Variants in MUC7 observed in about 807,000 individuals in gnomAD.
The protein encoded by MUC7 is mucin 7, secreted.
A neutral mutation model predicts 2.5 loss-of-function variants in MUC7; 2 were observed. The ratio of observed to expected loss-of-function variants is 0.81; its 90% CI spans 0.33 to 2.55. MUC7 has a LOEUF of 2.55. Among genes scored for constraint, MUC7 ranks in the 30% most tolerant of loss-of-function variants. MUC7 has a pLI of 0.11. For missense variants in MUC7, 408 were observed against 455.6 expected, an observed-to-expected ratio of 0.90 and a Z score of 0.95; for synonymous variants, 133 against 173.4, an observed-to-expected ratio of 0.77 and a Z score of 1.83.
chr4:70,455,294 A>T (rs1392893724), intron 1 of MUC7, among the ~76,000 whole-genome samples: 2 of 152,186 alleles, frequency 1.3e-5, no homozygotes, highest in African/African-American at 4.8e-5. Flanking sequence ...CCACTTCTTA[A>T]AAAGCTTCAT....
At chr4:70,468,080 C>CG (rs1465411859), upstream of MUC7, among the ~76,000 whole-genome samples, 1 of 152,108 alleles carries the variant, frequency 6.6e-6, no homozygotes, top group African/African-American at 2.4e-5. Flanking sequence ...GGCTTTACCC[C>CG]GGGATGCAAG....
chr4:70,436,731 G>T (rs1733847348), intron 1 of MUC7, among the ~76,000 whole-genome samples: 1 of 152,068 alleles, frequency 6.6e-6, no homozygotes, highest in South Asian at 2.1e-4. Context: ...GTCCAGCTTT[G>T]TTTCCTTGCT....
chr4:70,470,343 A>G (rs961421092), upstream of MUC7, among the ~76,000 whole-genome samples: 7 of 152,318 alleles, frequency 4.6e-5, no homozygotes, highest in Non-Finnish European at 1.0e-4. Context: ...CCACCATGGC[A>G]CATGTATACC....
intron 1 of MUC7, among the ~76,000 whole-genome samples, chr4:70,450,998 G>GC (rs35693612): frequency 0.81 from 122,742 of 152,010 alleles, 50,029 homozygotes; most frequent in Middle Eastern, 0.88. Context: ...CTGTCTCTGA[G>GC]CTGGTTCACC....
intron 1 of MUC7, among the ~76,000 whole-genome samples, chr4:70,466,469 T>G (rs1461474951): frequency 6.6e-6 from 1 of 152,070 alleles, no homozygotes; most frequent in Non-Finnish European, 1.5e-5. Context: ...ACTGGCAAAT[T>G]GGATAAAGAC....
intron 1 of MUC7, among the ~76,000 whole-genome samples, chr4:70,446,621 A>T (rs1734146561): frequency 6.6e-6 from 1 of 152,194 alleles, no homozygotes; most frequent in South Asian, 2.1e-4. Context: ...ATCTGCAATG[A>T]CTATTTCCAA....
intron 1 of MUC7, among the ~76,000 whole-genome samples, chr4:70,462,655 T>C (rs987012550): frequency 6.6e-6 from 1 of 152,208 alleles, no homozygotes; most frequent in Non-Finnish European, 1.5e-5. Context: ...TTAGATTATA[T>C]AGTCCCTGCC....
intron 1 of MUC7, among the ~76,000 whole-genome samples, chr4:70,465,106 C>G (rs1442388703): frequency 1.3e-5 from 2 of 152,210 alleles, no homozygotes; most frequent in African/African-American, 4.8e-5. Flanking sequence ...CCCAGGCAAA[C>G]AGGGTCTGGA....
intron 1 of MUC7, among the ~76,000 whole-genome samples, chr4:70,473,459 G>T (rs41412246): frequency 0.032 from 4,857 of 150,550 alleles, 224 homozygotes; most frequent in African/African-American, 0.1. Context: ...AAAAAAAAAG[G>T]TACAAGAAAA....
intron 1 of MUC7, among the ~76,000 whole-genome samples, chr4:70,464,730 A>G (rs1223034238): frequency 6.6e-6 from 1 of 152,172 alleles, no homozygotes. Flanking sequence ...TCTCTGAAAG[A>G]AAGGCAAGCA....
intron 1 of MUC7, among the ~76,000 whole-genome samples, chr4:70,464,544 A>C (rs556681786): frequency 6.6e-6 from 1 of 152,288 alleles, no homozygotes; most frequent in South Asian, 2.1e-4. Context: ...CAATCTGGGA[A>C]TCTCAAGCGT....
At chr4:70,454,811 C>T (rs1482731190) in intron 1 of MUC7, among the ~76,000 whole-genome samples, 3 of 152,114 alleles carry the variant, frequency 2.0e-5, no homozygotes, top group Admixed American at 6.5e-5. Flanking sequence ...TTCAAGACAA[C>T]TAATGGCATT....
At chr4:70,435,402 T>G (rs1016007788) in intron 1 of MUC7, among the ~76,000 whole-genome samples, 1 of 152,212 alleles carries the variant, frequency 6.6e-6, no homozygotes, top group Non-Finnish European at 1.5e-5. Flanking sequence ...TGGGTGTGTA[T>G]ATATTTAGTA....
chr4:70,432,679 G>A (rs955614376), intron 1 of MUC7, among the ~76,000 whole-genome samples: 3 of 152,106 alleles, frequency 2.0e-5, no homozygotes, highest in Admixed American at 1.3e-4. Context: ...CCATTCTGCA[G>A]GTTGCCTGTT....
At chr4:70,447,052 G>A (rs1196968229) in intron 1 of MUC7, among the ~76,000 whole-genome samples, 1 of 143,460 alleles carries the variant, frequency 7.0e-6, no homozygotes, top group Non-Finnish European at 1.5e-5. Context: ...ATGATATTAT[G>A]GAAGGAATTG....
chr4:70,463,591 C>T (rs1453177799), intron 1 of MUC7, among the ~76,000 whole-genome samples: 1 of 152,178 alleles, frequency 6.6e-6, no homozygotes, highest in Non-Finnish European at 1.5e-5. Context: ...GTTTATGATG[C>T]TGTATCCCAT....
chr4:70,457,692 C>T (rs2109722581), intron 1 of MUC7, among the ~76,000 whole-genome samples: 1 of 151,904 alleles, frequency 6.6e-6, no homozygotes, highest in African/African-American at 2.4e-5. Context: ...GAATATGTTT[C>T]TGAAAATAGT....
At chr4:70,475,213 A>G (rs905400891) in intron 2 of MUC7, among the ~76,000 whole-genome samples, 14 of 152,136 alleles carry the variant, frequency 9.2e-5, no homozygotes, top group Non-Finnish European at 2.1e-4. Flanking sequence ...TGGGAGGCAG[A>G]GTTTGCAGTG....
rs1327482441 is a variant in MUC7, at chr4:70,482,674, A to T, written c.*796A>T. The T allele has an allele frequency of 1.3e-5, 2 of 152,216 alleles. No homozygotes were observed. The highest frequency in any genetic ancestry group is 2.9e-5 in the Non-Finnish European group (2 of 68,036). The allele number at this position is 152,216 out of a possible 1,614,324, so 9.4% of individuals were successfully genotyped here. ...TTGTGTATGTTCACATGGTGCTTAT[A>T]ATATTTCACTATCAATTCAATTAAT... On this transcript the variant is annotated 3_prime_UTR_variant, in exon 3 of 3. Coordinates refer to ENST00000304887, the MANE Select transcript of MUC7 (RefSeq NM_152291.3).
Sources: gnomAD v4.1 joint callset for allele counts (sites outside exome capture counted in the v4.1 genomes callset) on GRCh38, gnomAD v4.1.1 for gene constraint, MANE v1.5 for transcripts, NCBI Gene and HGNC (gene_info 2026-07-23, HGNC 2026-07-21) for gene names.